Variants in PRKAR1B observed in about 807,000 individuals in gnomAD.
PRKAR1B encodes the protein cAMP-dependent protein kinase type I-beta regulatory subunit.
In PRKAR1B, 22 loss-of-function variants were observed where a neutral mutation model predicts 46.5. The ratio of observed to expected loss-of-function variants is 0.47; its 90% CI spans 0.34 to 0.68. PRKAR1B has a LOEUF of 0.68. Ranked by LOEUF, PRKAR1B falls within the 30% of genes least tolerant of loss-of-function variation. The pLI is 0.01. For missense variants in PRKAR1B, 445 were observed against 535.6 expected, an observed-to-expected ratio of 0.83 and a Z score of 1.67; for synonymous variants, 259 against 217.7, an observed-to-expected ratio of 1.19 and a Z score of -1.67.
Position 601,629 on chromosome 7 carries a change from C to T in PRKAR1B, c.549+4564G>A, listed in dbSNP as rs566225070. The stretch of plus-strand genomic sequence containing the variant: ...TCCTGCGCCCGGCCCCGCCCGGCCC[C>T]GCCGGGCACTCCCTGACGCCCACCC... On this transcript the variant is annotated intron_variant, in intron 6 of 10. Transcript: ENST00000537384. Among the ~76,000 whole-genome samples, 8 of 152,330 alleles carry T rather than the reference C, an allele frequency of 5.3e-5. 1 individual carries two copies. Among genetic ancestry groups the T allele is most frequent in the Middle Eastern group, 6.8e-3 (2 of 294 alleles).
intron 8 of PRKAR1B, among the ~76,000 whole-genome samples, chr7:583,319 G>C (rs1234265908): frequency 6.6e-6 from 1 of 152,104 alleles, no homozygotes; most frequent in East Asian, 1.9e-4. Context: ...AAGGAACACA[G>C]GCACAGCCAC....
chr7:653,724 C>T (rs1307998679), intron 4 of PRKAR1B, among the ~76,000 whole-genome samples: 1 of 152,176 alleles, frequency 6.6e-6, no homozygotes, highest in Non-Finnish European at 1.5e-5. Context: ...AGAATCAACT[C>T]CAACATCCAT....
At chr7:641,247 C>T (rs1303354434) in intron 4 of PRKAR1B, among the ~76,000 whole-genome samples, 2 of 152,144 alleles carry the variant, frequency 1.3e-5, no homozygotes, top group South Asian at 4.1e-4. Flanking sequence ...CCACCGCGCC[C>T]GGCCGGAAAA....
Position 727,169 on chromosome 7 carries a change from G to A in PRKAR1B, c.-23+41C>T. 3 of 1,318,570 alleles carry A rather than the reference G, an allele frequency of 2.3e-6. No homozygotes were observed. The highest frequency in any genetic ancestry group is 1.8e-5 in the South Asian group (1 of 56,342). 81.7% of individuals were successfully genotyped at this position (1,318,570 alleles called of 1,614,324 possible). A position where few individuals can be genotyped will look rare whatever the true frequency, so the allele number is the denominator to read the frequency against. ...CGCCTGGCGCTTGTGCAGCTGCTGGGCCTGGCCGTGGACCTGTGCGGCGCC... is the reference window on the plus strand; with the variant it reads ...CGCCTGGCGCTTGTGCAGCTGCTGGACCTGGCCGTGGACCTGTGCGGCGCC... On this transcript the variant is annotated intron_variant, in intron 1 of 10. Coordinates refer to ENST00000537384, the MANE Select transcript of PRKAR1B (RefSeq NM_001164760.2).
chr7:621,327 A>G (rs564493690), intron 4 of PRKAR1B, among the ~76,000 whole-genome samples: 1 of 152,354 alleles, frequency 6.6e-6, no homozygotes, highest in South Asian at 2.1e-4. Context: ...CAGGTTTTCT[A>G]TTTATTCATG....
intron 8 of PRKAR1B, among the ~76,000 whole-genome samples, chr7:582,909 C>T (rs1780279008): frequency 6.6e-6 from 1 of 152,254 alleles, no homozygotes; most frequent in South Asian, 2.1e-4. Context: ...GGCGGACCAA[C>T]TCGTTTTGTG....
chr7:678,321 T>A (rs556092594), intron 3 of PRKAR1B, among the ~76,000 whole-genome samples: 1 of 152,036 alleles, frequency 6.6e-6, no homozygotes. Flanking sequence ...CAGTAAAAAA[T>A]ATGGTATCAT....
At chr7:696,114 G>A (rs556461357) in intron 2 of PRKAR1B, among the ~76,000 whole-genome samples, 1 of 151,030 alleles carries the variant, frequency 6.6e-6, no homozygotes, top group African/African-American at 2.4e-5. Flanking sequence ...GACCACAGGT[G>A]CACCACCACC....
At chr7:572,832 G>C (rs147600756) in intron 9 of PRKAR1B, among the ~76,000 whole-genome samples, 5 of 152,192 alleles carry the variant, frequency 3.3e-5, no homozygotes, top group Non-Finnish European at 7.4e-5. Context: ...GACCCACCAA[G>C]GCCGTGATTT....
rs1289767317 is a variant in PRKAR1B at position 691,666 on chromosome 7, G to T, written c.178-10940C>A. On this transcript the variant is annotated intron_variant, in intron 2 of 10. Transcript: ENST00000537384. ...CCGCCCAGGTCTCCAGGGAGCTGTT[G>T]GAAACCCAGTGCTGTGACCTCACAC... 2.3e-6 allele frequency: 3 copies of T among 1,294,900 alleles called. No homozygotes were observed. The East Asian group carries it at 1.7e-4, about 72-fold the overall frequency. The allele number at this position is 1,294,900 out of a possible 1,614,324, so 80.2% of individuals were successfully genotyped here.
chr7:588,887 AGTG>A (rs1222486284), intron 7 of PRKAR1B, among the ~76,000 whole-genome samples: 40 of 1,566 alleles, frequency 0.026, 2 homozygotes, highest in African/African-American at 0.072. Flanking sequence ...GGATAGTGAC[AGTG>A]GTGGTGATGG....
intron 2 of PRKAR1B, among the ~76,000 whole-genome samples, chr7:692,275 C>G (rs148382243): frequency 0.011 from 1,674 of 152,332 alleles, 23 homozygotes; most frequent in East Asian, 0.1. Context: ...TGGCGCACGC[C>G]TGTAATCCCA....
chr7:592,034 G>T (rs1256500920), intron 7 of PRKAR1B, among the ~76,000 whole-genome samples: 1 of 152,218 alleles, frequency 6.6e-6, no homozygotes, highest in Non-Finnish European at 1.5e-5. Context: ...AGGCGGAGCA[G>T]GGGTCGCCAG....
Position 604,176 on chromosome 7 carries a change from G to A in PRKAR1B, c.549+2017C>T, listed in dbSNP as rs542925647. Among the ~76,000 whole-genome samples the A allele has an allele frequency of 4.0e-4, 61 of 152,310 alleles. 3 individuals carry two copies. The South Asian group carries it at 0.011, about 27-fold the overall frequency. On this transcript the variant is annotated intron_variant, in intron 6 of 10. Transcript: ENST00000537384. ...GCACAACGGGGCCACCTCCTGGGAC[G>A]GGCCCAGGCCCCAAGACGATGCCCG...
At chr7:675,227 G>A (rs1242228149) in intron 4 of PRKAR1B, among the ~76,000 whole-genome samples, 1 of 152,246 alleles carries the variant, frequency 6.6e-6, no homozygotes, top group African/African-American at 2.4e-5. Flanking sequence ...AATTAGATCT[G>A]TACTTATATG....
intron 6 of PRKAR1B, among the ~76,000 whole-genome samples, chr7:600,758 A>G (rs1253462652): frequency 6.6e-6 from 1 of 152,126 alleles, no homozygotes; most frequent in Non-Finnish European, 1.5e-5. Context: ...CCCAAAAACA[A>G]TCAGGGGAAG....
At chr7:726,706 G>C (rs1342194291) in intron 1 of PRKAR1B, 4 of 1,237,148 alleles carry the variant, frequency 3.2e-6, no homozygotes, top group Non-Finnish European at 4.0e-6. Flanking sequence ...CTTAGTGACC[G>C]GCGACGCGGG....
intron 7 of PRKAR1B, among the ~76,000 whole-genome samples, chr7:594,426 T>C (rs952576895): frequency 2.6e-5 from 4 of 152,092 alleles, no homozygotes; most frequent in African/African-American, 7.2e-5. Context: ...CGGGGCTGCA[T>C]TGGCAACAAG....
intron 6 of PRKAR1B, 95 bp downstream of exon 6, chr7:606,098 T>A (rs1052732687): frequency 8.5e-6 from 10 of 1,183,268 alleles, no homozygotes; most frequent in Non-Finnish European, 1.3e-5. Flanking sequence ...CTCAGCGCAG[T>A]GTTTGTTGGG....
Sources: allele counts gnomAD v4.1 joint callset (sites outside exome capture counted in the v4.1 genomes callset), GRCh38; gene constraint gnomAD v4.1.1; transcripts MANE v1.5; gene names NCBI Gene and HGNC (gene_info 2026-07-23, HGNC 2026-07-21).